The following PARP8 variants were observed in gnomAD, a reference collection of about 807,000 sequenced individuals.
The protein encoded by PARP8 is poly(ADP-ribose) polymerase family member 8.
In PARP8, 51 loss-of-function variants were observed where a neutral mutation model predicts 124.1. That is an observed-to-expected ratio of 0.41 (90% CI 0.33 to 0.52). The LOEUF is 0.52. Ranked by LOEUF, PARP8 falls within the 20% of genes least tolerant of loss-of-function variation. The pLI, the probability that PARP8 is intolerant of heterozygous loss-of-function variation, is 0.21. For synonymous variants in PARP8, 391 were observed against 361.5 expected (o/e 1.08, Z -0.93); for missense variants, 860 against 1,018.9 (o/e 0.84, Z 2.12).
At chr5:50,698,122 T>C (rs1386768620) in intron 2 of PARP8, among the ~76,000 whole-genome samples, 2 of 152,210 alleles carry the variant, frequency 1.3e-5, no homozygotes, top group African/African-American at 4.8e-5. Context: ...ACTTTTGGTG[T>C]CATGGATGTA....
Position 50,708,491 on chromosome 5 carries a change from G to A in PARP8, c.146+40366G>A, listed in dbSNP as rs149898524. ...CTCATTTTAATTAATAGATTGAGAAGGTATGGAATTCTGTGTTAGAACTCA... is the reference window on the plus strand; with the variant it reads ...CTCATTTTAATTAATAGATTGAGAAAGTATGGAATTCTGTGTTAGAACTCA... On this transcript the variant is annotated intron_variant, in intron 2 of 25. Transcript: ENST00000281631. 5.5e-3 allele frequency among the ~76,000 whole-genome samples: 841 copies of A among 151,906 alleles called. 9 individuals carry two copies. Among genetic ancestry groups the A allele is most frequent in the African/African-American group, 0.02 (810 of 41,434 alleles).
chr5:50,812,115 C>G (rs551947503), intron 14 of PARP8, among the ~76,000 whole-genome samples: 7 of 152,060 alleles, frequency 4.6e-5, no homozygotes, highest in African/African-American at 1.7e-4. Context: ...GTAATGGGAT[C>G]GCTGAGTCAA....
chr5:50,780,787 T>C (rs1261427819), intron 9 of PARP8, among the ~76,000 whole-genome samples: 1 of 152,194 alleles, frequency 6.6e-6, no homozygotes, highest in Non-Finnish European at 1.5e-5. Flanking sequence ...CAAGTAAAAT[T>C]AGCAAGGTCA....
At position 50,842,123 on chromosome 5, in the gene PARP8, AT is replaced by A; in HGVS notation, c.*59del. 8.4e-7 allele frequency: 1 copy of A among 1,183,630 alleles called. No individual in the cohort carries two copies. Among genetic ancestry groups the A allele is most frequent in the Non-Finnish European group, 1.2e-6 (1 of 812,334 alleles). The allele number at this position is 1,183,630 out of a possible 1,614,324, so 73.3% of individuals were successfully genotyped here. On this transcript the variant is annotated 3_prime_UTR_variant, in exon 26 of 26. Coordinates refer to ENST00000281631, the MANE Select transcript of PARP8 (RefSeq NM_024615.4). ...AAGCCTTCCTCGGGTTCAAAGCTGG[AT>A]TTTGAACTGAAGAAGATTATAAAAT...
chr5:50,720,837 C>T (rs1037739704), intron 2 of PARP8, among the ~76,000 whole-genome samples: 1 of 152,068 alleles, frequency 6.6e-6, no homozygotes, highest in South Asian at 2.1e-4. Flanking sequence ...AACTATTTGA[C>T]ATGGAATCTT....
Position 50,728,874 on chromosome 5 carries a change from G to C in PARP8, c.147-21277G>C, listed in dbSNP as rs1365787334. 2.0e-5 allele frequency among the ~76,000 whole-genome samples: 3 copies of C among 151,834 alleles called. No individual in the cohort carries two copies. In the East Asian group the frequency reaches 5.8e-4, roughly 29 times the overall value. ...CTAAGTTTTTCCATATTTTATATTG[G>C]AGATATATATGTACCTGAAAAATAC... is the stretch of plus-strand genomic sequence containing the variant. On this transcript the variant is annotated intron_variant, in intron 2 of 25. Transcript: ENST00000281631.
intron 10 of PARP8, 67 bp from the exon 11 acceptor site, chr5:50,794,140 T>G: frequency 7.3e-6 from 11 of 1,505,758 alleles, no homozygotes; most frequent in Non-Finnish European, 9.9e-6. Flanking sequence ...TTCTACATAA[T>G]AAATACAGTA....
chr5:50,673,450 G>A (rs1750268568), intron 2 of PARP8, among the ~76,000 whole-genome samples: 1 of 151,982 alleles, frequency 6.6e-6, no homozygotes, highest in East Asian at 1.9e-4. Context: ...TGTTCTCTTT[G>A]CTTGCCTTGC....
At chr5:50,813,312 C>T (rs1295927488) in intron 14 of PARP8, among the ~76,000 whole-genome samples, 1 of 152,058 alleles carries the variant, frequency 6.6e-6, no homozygotes, top group African/African-American at 2.4e-5. Flanking sequence ...CCTTCACATC[C>T]CTTGTAAGTT....
chr5:50,836,155 C>G (rs1321615090), intron 25 of PARP8, among the ~76,000 whole-genome samples: 2 of 152,122 alleles, frequency 1.3e-5, no homozygotes, highest in East Asian at 3.9e-4. Flanking sequence ...TGTGATTGTT[C>G]TTACCATAGA....
Position 50,735,731 on chromosome 5 carries a change from G to T in PARP8, c.147-14420G>T, listed in dbSNP as rs373775832. 2.2e-3 allele frequency among the ~76,000 whole-genome samples: 340 copies of T among 152,222 alleles called. 2 individuals are homozygous for T. Among genetic ancestry groups the T allele is most frequent in the African/African-American group, 7.5e-3 (310 of 41,542 alleles). ...CACAACAGTGAATAAGATACATAGA[G>T]AAATACGATCTAGTGGGAGAAAGAA... On this transcript the variant is annotated intron_variant, in intron 2 of 25. Transcript: ENST00000281631.
intron 2 of PARP8, among the ~76,000 whole-genome samples, chr5:50,743,023 T>C (rs923553903): frequency 6.6e-6 from 1 of 152,070 alleles, no homozygotes; most frequent in Non-Finnish European, 1.5e-5. Flanking sequence ...GAGTGAGAGC[T>C]GGGAAAATTA....
At position 50,795,016 on chromosome 5, in the gene PARP8, T is replaced by A. The variant is rs768824264; in HGVS notation, c.1027T>A (p.Ser343Thr). Residue 343 changes from serine (S) to threonine (T), a missense_variant, in exon 12 of 26, where the codon TCC becomes ACC. Around this residue, in one of 2 missense-constraint regions of PARP8, gnomAD observed 517 missense variants for 544.2 expected, o/e 0.95. Coordinates refer to ENST00000281631, the MANE Select transcript of PARP8 (RefSeq NM_024615.4). ...VTKSHRTFGR[S>T]LSSDPRAEQA... ...AAAGTCACACAGGACCTTTGGCCGC[T>A]CCTTGTCCAGCGATCCCAGGGCGGA... is the stretch of plus-strand genomic sequence containing the variant. The A allele has an allele frequency of 1.2e-6, 2 of 1,614,220 alleles. 1 individual carries two copies. The highest frequency in any genetic ancestry group is 2.2e-5 in the South Asian group (2 of 91,086).
chr5:50,751,279 G>A (rs1403586882), intron 3 of PARP8, among the ~76,000 whole-genome samples: 3 of 151,990 alleles, frequency 2.0e-5, no homozygotes, highest in African/African-American at 7.2e-5. Context: ...CACACTTTAC[G>A]GGAGCCCCAC....
At chr5:50,802,950 A>G (rs1478922776) in intron 14 of PARP8, among the ~76,000 whole-genome samples, 1 of 152,120 alleles carries the variant, frequency 6.6e-6, no homozygotes, top group Non-Finnish European at 1.5e-5. Flanking sequence ...TGTCCTTTCC[A>G]TTTTAATCTG....
chr5:50,706,719 C>T (rs1754189021), intron 2 of PARP8, among the ~76,000 whole-genome samples: 1 of 152,062 alleles, frequency 6.6e-6, no homozygotes, highest in Non-Finnish European at 1.5e-5. Flanking sequence ...AGCACACACT[C>T]ACATGTACAA....
intron 2 of PARP8, chr5:50,744,855 A>T (rs1207288625): frequency 1.5e-6 from 1 of 682,722 alleles, no homozygotes; most frequent in Non-Finnish European, 2.6e-6. Context: ...ACTTTCACTT[A>T]TGCTTCTTGA....
At chr5:50,739,218 CTTATCCAG>C in intron 2 of PARP8, 1 of 592,618 alleles carries the variant, frequency 1.7e-6, no homozygotes, top group Non-Finnish European at 3.1e-6. Context: ...ATCCTGATGG[CTTATCCAG>C]TCATTCAGTC....
intron 2 of PARP8, among the ~76,000 whole-genome samples, chr5:50,723,026 TATTAA>T (rs1304050721): frequency 1.3e-5 from 2 of 152,134 alleles, no homozygotes; most frequent in African/African-American, 4.8e-5. Context: ...AGATGAGAGT[TATTAA>T]ATCTTGCCCA....
Sources: gnomAD v4.1 joint callset for allele counts (sites outside exome capture counted in the v4.1 genomes callset) on GRCh38, gnomAD v4.1.1 for gene constraint, gnomAD v4.1.1 regional missense constraint, MANE v1.5 for transcripts, NCBI Gene and HGNC (gene_info 2026-07-23, HGNC 2026-07-21) for gene names.